YBX1: variants seen among roughly 807,000 people sequenced by gnomAD.
The protein encoded by YBX1 is Y-box-binding protein 1.
In YBX1, 3 loss-of-function variants were observed where a neutral mutation model predicts 41.4. That is an observed-to-expected ratio of 0.07 (90% CI 0.03 to 0.19). The LOEUF (loss-of-function observed/expected upper bound fraction) is 0.19. Ranked by LOEUF, YBX1 falls within the 10% of genes least tolerant of loss-of-function variation. The pLI is 1.00. For missense variants in YBX1, 274 were observed against 462.8 expected (o/e 0.59, Z 3.74); for synonymous variants, 133 against 165.8 (o/e 0.80, Z 1.52).
intron 6 of YBX1, among the ~76,000 whole-genome samples, chr1:42,698,221 A>G (rs982328529): frequency 6.6e-5 from 10 of 152,238 alleles, no homozygotes; most frequent in African/African-American, 2.4e-4. Flanking sequence ...GAACTAGGGA[A>G]TCTAGTCGAG....
At chr1:42,689,807 C>T (rs796562969) in intron 2 of YBX1, among the ~76,000 whole-genome samples, 3 of 152,192 alleles carry the variant, frequency 2.0e-5, no homozygotes, top group African/African-American at 7.2e-5. Flanking sequence ...TTTTGAGTTG[C>T]ATTTTGTCTA....
intron 6 of YBX1, among the ~76,000 whole-genome samples, chr1:42,699,110 G>A (rs1650531699): frequency 1.3e-5 from 2 of 152,180 alleles, no homozygotes; most frequent in South Asian, 2.1e-4. Context: ...CAGGATAACA[G>A]TTGATGGCAG....
intron 3 of YBX1, among the ~76,000 whole-genome samples, chr1:42,695,990 A>G (rs1258320439): frequency 1.3e-5 from 2 of 152,192 alleles, no homozygotes; most frequent in South Asian, 2.1e-4. Context: ...TAGTGGTACA[A>G]TGCTGGGGCC....
chr1:42,694,886 C>T (rs563430932), intron 3 of YBX1, among the ~76,000 whole-genome samples: 5 of 152,192 alleles, frequency 3.3e-5, no homozygotes, highest in East Asian at 1.9e-4. Flanking sequence ...CAAAGTTTCT[C>T]GGTCTTGTTG....
chr1:42,697,039 G>A lies in YBX1; in HGVS notation c.657+95G>A, dbSNP rs549368189. ...GGAAAGCAACTTGGATTCCTAGTAA[G>A]AACCAAAAGGATTAATTTATAATGT... On this transcript the variant is annotated intron_variant, in intron 5 of 7. Transcript: ENST00000321358. 2.4e-5 allele frequency: 35 copies of A among 1,452,158 alleles called. No homozygotes were observed. In the East Asian group the frequency reaches 7.9e-4, roughly 33 times the overall value. The allele number at this position is 1,452,158 out of a possible 1,614,324, so 90.0% of individuals were successfully genotyped here. A position where few individuals can be genotyped will look rare whatever the true frequency, so the allele number is the denominator to read the frequency against.
chr1:42,683,267 C>T, intron 1 of YBX1, 136 bp from the exon 2 acceptor site: 1 of 1,031,800 alleles, frequency 9.7e-7, no homozygotes, highest in South Asian at 1.3e-5. Flanking sequence ...CGTGGCCCCG[C>T]ACCCGGGCGG....
rs141968223 is a variant in YBX1 at position 42,700,978 on chromosome 1, C to T, written c.938C>T (p.Ser313Leu). 90 of 1,614,028 alleles carry T rather than the reference C, an allele frequency of 5.6e-5. No individual in the cohort carries two copies. Among genetic ancestry groups the T allele is most frequent in the Non-Finnish European group, 7.2e-5 (85 of 1,180,036 alleles). The change falls in exon 7 of 8, where the codon TCG becomes TTG. Residue 313 changes from serine (S) to leucine (L), a missense_variant. Around this residue, in one of 3 missense-constraint regions of YBX1, gnomAD observed 187 missense variants for 306.3 expected, o/e 0.61. Transcript: ENST00000321358. ...GCAGCCGATCCACCAGCTGAGAATTCGTCCGCTCCCGAGGCTGAGCAGGGC... is the reference window on the plus strand; with the variant it reads ...GCAGCCGATCCACCAGCTGAGAATTTGTCCGCTCCCGAGGCTGAGCAGGGC... ...TKAADPPAEN[S>L]SAPEAEQGGA...
rs1240755377 is a variant in YBX1, at chr1:42,700,994, T to A, written c.954T>A (p.Ala318=). The A allele has an allele frequency of 6.2e-7, 1 of 1,614,150 alleles. No individual in the cohort carries two copies. Among genetic ancestry groups the A allele is most frequent in the South Asian group, 1.1e-5 (1 of 91,084 alleles). Residue 318 remains alanine (A), a synonymous_variant, in exon 7 of 8, where the codon GCT becomes GCA. Coordinates refer to ENST00000321358, the MANE Select transcript of YBX1 (RefSeq NM_004559.5). ...CTGAGAATTCGTCCGCTCCCGAGGC[T>A]GAGCAGGGCGGGGCTGAGTAAATGC... ...PPAENSSAPE[A]EQGGAE
At position 42,703,441 on chromosome 1, in the gene YBX1, ACT is replaced by A. The variant is rs1412284577; in HGVS notation, c.*1495_*1496del. Among the ~76,000 whole-genome samples, 1 of 151,414 alleles carries A rather than the reference ACT, an allele frequency of 6.6e-6. No individual in the cohort carries two copies. Among genetic ancestry groups the A allele is most frequent in the African/African-American group, 2.4e-5 (1 of 41,132 alleles). Reference sequence around the variant, plus strand: ...GGAAGTCATCTCCTGCTTGGGACTAACTCTTTGCAGAGGACTTGATAAGAGAC... The same window carrying A: ...GGAAGTCATCTCCTGCTTGGGACTAACTTTGCAGAGGACTTGATAAGAGAC... On this transcript the variant is annotated 3_prime_UTR_variant, in exon 8 of 8. Transcript: ENST00000321358.
chr1:42,683,200 G>T (rs1210158243), intron 1 of YBX1: 2 of 698,084 alleles, frequency 2.9e-6, no homozygotes, highest in East Asian at 5.5e-5. Flanking sequence ...CCCCGGGCCT[G>T]CCCTGGAGCG....
intron 2 of YBX1, among the ~76,000 whole-genome samples, chr1:42,688,899 A>G (rs1650263679): frequency 1.3e-5 from 2 of 152,244 alleles, no homozygotes; most frequent in Admixed American, 1.3e-4. Flanking sequence ...CTTTATTGCA[A>G]GAATACAGTA....
At chr1:42,684,622 T>A (rs1220793879) in intron 2 of YBX1, among the ~76,000 whole-genome samples, 2 of 152,216 alleles carry the variant, frequency 1.3e-5, no homozygotes, top group Non-Finnish European at 2.9e-5. Context: ...TCTCTACTTT[T>A]GCAATTGTGG....
At chr1:42,684,162 C>T (rs74070003) in intron 2 of YBX1, among the ~76,000 whole-genome samples, 6,613 of 152,254 alleles carry the variant, frequency 0.043, 195 homozygotes, top group African/African-American at 0.072. Context: ...TTAGAGTGGC[C>T]ATAGTCACTG....
At chr1:42,691,857 A>G (rs906984453) in intron 2 of YBX1, among the ~76,000 whole-genome samples, 4 of 151,420 alleles carry the variant, frequency 2.6e-5, no homozygotes, top group Admixed American at 2.6e-4. Context: ...TTTGGAAAAA[A>G]ATTTTATTTT....
intron 2 of YBX1, among the ~76,000 whole-genome samples, chr1:42,684,216 C>T (rs1650134572): frequency 6.6e-6 from 1 of 152,254 alleles, no homozygotes; most frequent in Non-Finnish European, 1.5e-5. Flanking sequence ...AAGCTGCAGA[C>T]ACGTCTTTAG....
chr1:42,691,020 C>G (rs1379065564), intron 2 of YBX1, among the ~76,000 whole-genome samples: 1 of 152,178 alleles, frequency 6.6e-6, no homozygotes, highest in South Asian at 2.1e-4. Context: ...GAAAGCTGCA[C>G]TGCAGCTGTC....
intron 1 of YBX1, 172 bp from the exon 2 acceptor site, chr1:42,683,231 C>A: frequency 1.3e-6 from 1 of 771,712 alleles, no homozygotes; most frequent in Non-Finnish European, 2.3e-6. Flanking sequence ...CAGACTCACC[C>A]ACGTGTGCGG....
intron 2 of YBX1, among the ~76,000 whole-genome samples, chr1:42,685,422 A>G (rs577527526): frequency 2.0e-5 from 3 of 152,314 alleles, no homozygotes; most frequent in Admixed American, 2.0e-4. Context: ...GGTTTTAATG[A>G]TTCTGGGACT....
intron 2 of YBX1, among the ~76,000 whole-genome samples, chr1:42,685,487 TTTAA>T (rs1402184583): frequency 1.3e-5 from 2 of 152,252 alleles, no homozygotes; most frequent in African/African-American, 4.8e-5. Context: ...GAAGATTTGC[TTTAA>T]TTAAGGAAAA....
Sources: gnomAD v4.1 joint callset for allele counts (sites outside exome capture counted in the v4.1 genomes callset) on GRCh38, gnomAD v4.1.1 for gene constraint, gnomAD v4.1.1 regional missense constraint, MANE v1.5 for transcripts, NCBI Gene and HGNC (gene_info 2026-07-23, HGNC 2026-07-21) for gene names.